ZNF521: variants seen among roughly 807,000 people sequenced by gnomAD.
ZNF521 encodes LYST-interacting protein 3.
A neutral mutation model predicts 105.5 loss-of-function variants in ZNF521; 14 were observed. The observed-to-expected ratio is 0.13, with a 90% CI of 0.09 to 0.21. The LOEUF (loss-of-function observed/expected upper bound fraction) is 0.21, where lower values mean the gene tolerates loss of function less well. Among genes scored for constraint, ZNF521 ranks in the 10% least tolerant of loss-of-function variants. The pLI is 1.00. For missense variants in ZNF521, 1,233 were observed against 1,629.7 expected (o/e 0.76, Z 4.19); for synonymous variants, 635 against 606.0 (o/e 1.05, Z -0.70).
intron 7 of ZNF521, among the ~76,000 whole-genome samples, chr18:25,073,885 C>T (rs939417450): frequency 1.3e-5 from 2 of 151,864 alleles, no homozygotes; most frequent in Admixed American, 6.6e-5. Flanking sequence ...AAACATCTTT[C>T]CCCACCGTAA....
chr18:25,326,516 A>T (rs923784866), intron 2 of ZNF521, among the ~76,000 whole-genome samples: 2 of 152,236 alleles, frequency 1.3e-5, no homozygotes, highest in African/African-American at 2.4e-5. Flanking sequence ...CTGCAGTAAG[A>T]TTAATATGCC....
intron 5 of ZNF521, among the ~76,000 whole-genome samples, chr18:25,140,006 C>A (rs2034816572): frequency 6.6e-6 from 1 of 152,128 alleles, no homozygotes; most frequent in East Asian, 1.9e-4. Flanking sequence ...TCTGCAGGTG[C>A]CTTGATCTCC....
At chr18:25,165,196 G>A (rs1288532864) in intron 5 of ZNF521, among the ~76,000 whole-genome samples, 1 of 152,090 alleles carries the variant, frequency 6.6e-6, no homozygotes, top group African/African-American at 2.4e-5. Flanking sequence ...TTTATATTCA[G>A]GTAAGCAATT....
chr18:25,122,588 CAAG>C (rs761486798), intron 5 of ZNF521, among the ~76,000 whole-genome samples: 53 of 152,210 alleles, frequency 3.5e-4, no homozygotes, highest in Non-Finnish European at 7.4e-4. Flanking sequence ...AGAATATATT[CAAG>C]AAGTAAAGTG....
At chr18:25,326,523 T>C (rs1913232997) in intron 2 of ZNF521, among the ~76,000 whole-genome samples, 1 of 152,246 alleles carries the variant, frequency 6.6e-6, no homozygotes, top group African/African-American at 2.4e-5. Context: ...AAGATTAATA[T>C]GCCGTAGCTG....
intron 3 of ZNF521, among the ~76,000 whole-genome samples, chr18:25,296,595 T>C (rs1911329512): frequency 6.6e-6 from 1 of 152,152 alleles, no homozygotes; most frequent in Non-Finnish European, 1.5e-5. Flanking sequence ...CACTGTTCTT[T>C]AGAGAGTGTT....
Position 25,226,777 on chromosome 18 carries a change from G to T in ZNF521, c.1141C>A (p.Arg381=), listed in dbSNP as rs760379631. 6.2e-7 allele frequency: 1 copy of T among 1,613,962 alleles called. No homozygotes were observed. The highest frequency in any genetic ancestry group is 1.1e-5 in the South Asian group (1 of 91,036). ...VEAAPPIPKS[R]GRKRAAQQTP... is the part of the protein sequence containing the mutation. ...TGTTGAGCGGCCCTCTTCCTCCCTC[G>T]ACTCTTTGGGATTGGCGGGGCAGCT... Residue 381 remains arginine (R), a synonymous_variant, in exon 4 of 8, where the codon CGA becomes AGA. Coordinates refer to ENST00000361524, the MANE Select transcript of ZNF521 (RefSeq NM_015461.3). The surrounding 1 kb of genome is among the most constrained non-coding windows in gnomAD (Gnocchi z 4.1).
chr18:25,263,672 T>A (rs143623755), intron 3 of ZNF521, among the ~76,000 whole-genome samples: 2 of 152,276 alleles, frequency 1.3e-5, no homozygotes, highest in East Asian at 3.9e-4. Context: ...GCCTTCCGGG[T>A]TCAAGCCATT....
intron 2 of ZNF521, among the ~76,000 whole-genome samples, chr18:25,348,462 C>T (rs1025688290): frequency 6.6e-6 from 1 of 152,080 alleles, no homozygotes; most frequent in Non-Finnish European, 1.5e-5. Context: ...TTTTTCAAGG[C>T]ATACCCTGAA....
At chr18:25,332,499 G>T (rs186718769) in intron 2 of ZNF521, among the ~76,000 whole-genome samples, 37 of 152,024 alleles carry the variant, frequency 2.4e-4, no homozygotes, top group African/African-American at 8.7e-4. Context: ...AATGTCGAAG[G>T]TTCCTTCATC....
chr18:25,282,334 G>T (rs1910431073), intron 3 of ZNF521, among the ~76,000 whole-genome samples: 1 of 152,144 alleles, frequency 6.6e-6, no homozygotes, highest in African/African-American at 2.4e-5. Flanking sequence ...TGAGAAACAT[G>T]CACATCGGAA....
intron 2 of ZNF521, among the ~76,000 whole-genome samples, chr18:25,323,750 A>C (rs1381682960): frequency 6.6e-6 from 1 of 152,246 alleles, no homozygotes; most frequent in African/African-American, 2.4e-5. Flanking sequence ...TGCACATAGC[A>C]CGTTTCTATG....
chr18:25,249,215 C>T (rs994011888), intron 3 of ZNF521, among the ~76,000 whole-genome samples: 1 of 151,458 alleles, frequency 6.6e-6, no homozygotes, highest in Admixed American at 6.6e-5. Flanking sequence ...GCAATCTCGG[C>T]TCACTGCTCG....
chr18:25,213,602 C>T (rs752092724), intron 4 of ZNF521, among the ~76,000 whole-genome samples: 14 of 151,998 alleles, frequency 9.2e-5, no homozygotes, highest in Non-Finnish European at 1.5e-4. Context: ...CTACATTTCT[C>T]TTTTTCAGTA....
At chr18:25,127,926 T>G (rs1051742496) in intron 5 of ZNF521, among the ~76,000 whole-genome samples, 1 of 152,130 alleles carries the variant, frequency 6.6e-6, no homozygotes, top group Middle Eastern at 3.4e-3. Flanking sequence ...TCTCTAAAAT[T>G]TGTTTCAGAA....
intron 4 of ZNF521, among the ~76,000 whole-genome samples, chr18:25,218,429 C>T (rs1905474588): frequency 7.1e-6 from 1 of 139,962 alleles, no homozygotes; most frequent in Non-Finnish European, 1.5e-5. Context: ...GAGACCAAGG[C>T]AGGAGAATCA....
chr18:25,114,021 T>A (rs1302394460), intron 5 of ZNF521, among the ~76,000 whole-genome samples: 2 of 152,056 alleles, frequency 1.3e-5, no homozygotes, highest in Non-Finnish European at 2.9e-5. Context: ...TGTGCCCTCA[T>A]GGTTAGCACT....
At chr18:25,239,218 C>T (rs1425637991) in intron 3 of ZNF521, among the ~76,000 whole-genome samples, 4 of 152,184 alleles carry the variant, frequency 2.6e-5, no homozygotes, top group Non-Finnish European at 5.9e-5. Context: ...CAGTGAAATA[C>T]TCAATTAGCT....
rs1175859497 is a variant in ZNF521, at chr18:25,179,116, C to CT, written c.3658+16043dup. ...GACTTATACTTCTTTTTCTTTATTC[C>CT]TTTTTTTTTTTTTTTTTTTTTTTTT... is the stretch of plus-strand genomic sequence containing the variant. On this transcript the variant is annotated intron_variant, in intron 5 of 7. Transcript: ENST00000361524. 3.3e-3 allele frequency among the ~76,000 whole-genome samples: 175 copies of CT among 52,478 alleles called. 30 individuals carry two copies. The highest frequency in any genetic ancestry group is 0.017 in the Middle Eastern group (1 of 60). 34.4% of individuals were successfully genotyped at this position (52,478 alleles called of 152,430 possible).
Sources: gnomAD v4.1 joint callset for allele counts (sites outside exome capture counted in the v4.1 genomes callset) on GRCh38, gnomAD v4.1.1 for gene constraint, Gnocchi (gnomAD v3.1) non-coding constraint, MANE v1.5 for transcripts, NCBI Gene and HGNC (gene_info 2026-07-23, HGNC 2026-07-21) for gene names.